Variants in ZMYM4 observed in about 807,000 individuals in gnomAD.
ZMYM4 encodes zinc finger MYM-type containing 4, also known as zinc finger MYM-type protein 4.
Under a neutral mutation model 183.2 loss-of-function variants are expected in ZMYM4, and 31 were observed. That is an observed-to-expected ratio of 0.17 (90% CI 0.13 to 0.23). The LOEUF (loss-of-function observed/expected upper bound fraction) is 0.23, where lower values mean the gene tolerates loss of function less well. ZMYM4 is among the 10% of genes least tolerant of loss of function. The pLI, the probability that ZMYM4 is intolerant of heterozygous loss-of-function variation, is 1.00. For missense variants in ZMYM4, 1,273 were observed against 1,840.3 expected, an observed-to-expected ratio of 0.69 and a Z score of 5.64; for synonymous variants, 592 against 631.2, an observed-to-expected ratio of 0.94 and a Z score of 0.93.
intron 2 of ZMYM4, among the ~76,000 whole-genome samples, chr1:35,355,895 ACTACC>A (rs1434358528): frequency 1.3e-5 from 2 of 152,266 alleles, no homozygotes; most frequent in East Asian, 3.9e-4. Context: ...TTTCCATATG[ACTACC>A]CTTTTCTTCA....
In ZMYM4 at chr1:35,309,078, T is replaced by A. The variant is rs189603000; in HGVS notation, c.40-16282T>A. 3.1e-6 allele frequency: 3 copies of A among 982,056 alleles called. No homozygotes were observed. The African/African-American group carries it at 5.2e-5, about 17-fold the overall frequency. The allele number at this position is 982,056 out of a possible 1,614,324, so 60.8% of individuals were successfully genotyped here. On this transcript the variant is annotated intron_variant, in intron 1 of 29. Coordinates refer to ENST00000314607, the MANE Select transcript of ZMYM4 (RefSeq NM_005095.3). ...TGGTGGGTGGGTTTGAGAGAGGTTC[T>A]ATAGCACAGTTGCCTTCCTGACTAA...
chr1:35,311,002 T>G (rs12075713), intron 1 of ZMYM4, among the ~76,000 whole-genome samples: 18,212 of 152,184 alleles, frequency 0.12, 2,615 homozygotes, highest in East Asian at 0.69. Flanking sequence ...CCGCAAACAG[T>G]ATACGCTTCT....
rs1643929717 is a variant in ZMYM4 at position 35,361,213 on chromosome 1, A to T, written c.627A>T (p.Thr209=). ...FDKAANQVEE[T]LHTHLPQTPE... ...CAATAGCTAATCAAGTTGAAGAAAC[A>T]TTACATACCCATTTACCACAAACCC... Residue 209 remains threonine (T), a synonymous_variant, in exon 4 of 30, where the codon ACA becomes ACT. Coordinates refer to ENST00000314607, the MANE Select transcript of ZMYM4 (RefSeq NM_005095.3). 1.2e-6 allele frequency: 2 copies of T among 1,603,390 alleles called. No individual in the cohort carries two copies. Among genetic ancestry groups the T allele is most frequent in the South Asian group, 1.1e-5 (1 of 88,114 alleles).
chr1:35,313,038 C>T (rs1332629582), intron 1 of ZMYM4, among the ~76,000 whole-genome samples: 2 of 152,064 alleles, frequency 1.3e-5, no homozygotes, highest in South Asian at 2.1e-4. Context: ...GGACTAGAGG[C>T]GAGTGCCACC....
chr1:35,405,311 C>G (rs1223508722), intron 24 of ZMYM4, 62 bp from the exon 25 acceptor site: 2 of 1,579,620 alleles, frequency 1.3e-6, no homozygotes, highest in East Asian at 2.2e-5. Flanking sequence ...TTGGGCTTTA[C>G]TTAATTTTTT....
At chr1:35,359,501 A>G (rs1424064416) in intron 3 of ZMYM4, 55 bp downstream of exon 3, 1 of 1,444,130 alleles carries the variant, frequency 6.9e-7, no homozygotes, top group Non-Finnish European at 9.3e-7. Flanking sequence ...ACCGATCATA[A>G]TATATAGCTT....
In ZMYM4 at chr1:35,319,768, G is replaced by A. The variant is rs147637035; in HGVS notation, c.40-5592G>A. ...AAAGACTAACATTACTCATTGTGGC[G>A]GTTGAAGGAATAGGAATAGGATTGG... is the stretch of plus-strand genomic sequence containing the variant. On this transcript the variant is annotated intron_variant, in intron 1 of 29. Coordinates refer to ENST00000314607, the MANE Select transcript of ZMYM4 (RefSeq NM_005095.3). Among the ~76,000 whole-genome samples, 135 of 152,258 alleles carry A rather than the reference G, an allele frequency of 8.9e-4. 2 individuals are homozygous for A. The East Asian group carries it at 0.018, about 21-fold the overall frequency.
At chr1:35,343,930 G>A (rs1643298176) in intron 2 of ZMYM4, among the ~76,000 whole-genome samples, 1 of 151,770 alleles carries the variant, frequency 6.6e-6, no homozygotes, top group Non-Finnish European at 1.5e-5. Context: ...ACATTTTAGA[G>A]TCAATGTGTA....
At chr1:35,342,100 T>G (rs1037933018) in intron 2 of ZMYM4, among the ~76,000 whole-genome samples, 3 of 152,166 alleles carry the variant, frequency 2.0e-5, no homozygotes, top group Admixed American at 6.5e-5. Context: ...TTTAAAGAAT[T>G]TTATATTTCA....
At chr1:35,370,244 T>C in intron 6 of ZMYM4, 128 bp from the exon 7 acceptor site, 1 of 1,453,652 alleles carries the variant, frequency 6.9e-7, no homozygotes, top group Non-Finnish European at 9.1e-7. Flanking sequence ...GTATATTGCA[T>C]AATTACTGTT....
intron 1 of ZMYM4, among the ~76,000 whole-genome samples, chr1:35,295,567 A>G (rs948668133): frequency 1.3e-5 from 2 of 152,224 alleles, no homozygotes; most frequent in South Asian, 4.1e-4. Flanking sequence ...AGATTTCAAC[A>G]GCACACCCAA....
At chr1:35,306,391 G>A (rs886687116) in intron 1 of ZMYM4, among the ~76,000 whole-genome samples, 5 of 151,838 alleles carry the variant, frequency 3.3e-5, no homozygotes, top group Non-Finnish European at 4.4e-5. Context: ...AAGGTCTCAC[G>A]AATTCTTTAA....
At chr1:35,377,346 G>A (rs1301751468) in intron 7 of ZMYM4, among the ~76,000 whole-genome samples, 2 of 152,148 alleles carry the variant, frequency 1.3e-5, no homozygotes, top group Non-Finnish European at 2.9e-5. Flanking sequence ...AATGCAAAAA[G>A]CAAAGCAGTC....
chr1:35,285,436 A>G (rs1227417278), intron 1 of ZMYM4, among the ~76,000 whole-genome samples: 1 of 152,084 alleles, frequency 6.6e-6, no homozygotes, highest in Non-Finnish European at 1.5e-5. Context: ...AGTATAATCT[A>G]CCACATTAGT....
chr1:35,419,446 T>C, intron 29 of ZMYM4, 24 bp from the exon 30 acceptor site: 2 of 819,348 alleles, frequency 2.4e-6, no homozygotes, highest in South Asian at 2.5e-5. Flanking sequence ...CTTTTTTCTC[T>C]TTTTTTTTTT....
At chr1:35,379,103 CTGT>C (rs774026734) in intron 7 of ZMYM4, among the ~76,000 whole-genome samples, 32 of 152,226 alleles carry the variant, frequency 2.1e-4, no homozygotes, top group East Asian at 5.8e-4. Context: ...GCTTTCTTTT[CTGT>C]TGTTGTTGTT....
At chr1:35,293,427 C>T (rs1217431082) in intron 1 of ZMYM4, among the ~76,000 whole-genome samples, 1 of 152,056 alleles carries the variant, frequency 6.6e-6, no homozygotes, top group Non-Finnish European at 1.5e-5. Context: ...GATTCTACTG[C>T]CTCTGCCTCC....
At chr1:35,325,493 A>T (rs775801506) in intron 2 of ZMYM4, 88 bp downstream of exon 2, 68 of 1,312,014 alleles carry the variant, frequency 5.2e-5, no homozygotes, top group Admixed American at 2.3e-5. Context: ...TACAGTGTTT[A>T]GTTAGGGCTG....
intron 1 of ZMYM4, among the ~76,000 whole-genome samples, chr1:35,280,737 A>AAAAAGAG (rs1355139593): frequency 1.3e-5 from 2 of 152,138 alleles, no homozygotes; most frequent in African/African-American, 4.8e-5. Context: ...ACATGGCATT[A>AAAAAGAG]TCTCTTTGTC....
Sources: allele counts gnomAD v4.1 joint callset (sites outside exome capture counted in the v4.1 genomes callset), GRCh38; gene constraint gnomAD v4.1.1; transcripts MANE v1.5; gene names NCBI Gene and HGNC (gene_info 2026-07-23, HGNC 2026-07-21).